Variants in THSD7B observed in about 807,000 individuals in gnomAD.
The protein encoded by THSD7B is thrombospondin type-1 domain-containing protein 7B.
A neutral mutation model predicts 213.6 loss-of-function variants in THSD7B; 138 were observed. The ratio of observed to expected loss-of-function variants is 0.65; its 90% CI spans 0.56 to 0.74. The LOEUF is 0.74. THSD7B is among the 30% of genes least tolerant of loss of function. The probability of loss-of-function intolerance (pLI) is 0.00; values close to 1 mark genes in which losing one functional copy is unlikely to be tolerated. For synonymous variants in THSD7B, 742 were observed against 687.0 expected (o/e 1.08, Z -1.25); for missense variants, 1,931 against 1,991.5 (o/e 0.97, Z 0.58).
At chr2:137,664,719 G>A (rs1011082807) in intron 26 of THSD7B, among the ~76,000 whole-genome samples, 2 of 152,100 alleles carry the variant, frequency 1.3e-5, no homozygotes, top group African/African-American at 4.8e-5. Context: ...GGTTTTAAAG[G>A]CAGATCTTTT....
intron 1 of THSD7B, among the ~76,000 whole-genome samples, chr2:136,801,042 C>T (rs575394788): frequency 9.7e-4 from 148 of 151,820 alleles, no homozygotes; most frequent in Non-Finnish European, 1.0e-3. Context: ...TCCCTCTTTA[C>T]CCACTGTGTG....
At position 137,616,302 on chromosome 2, in the gene THSD7B, A is replaced by T; in HGVS notation, c.3551A>T (p.Gln1184Leu). 1 of 1,613,684 alleles carries T rather than the reference A, an allele frequency of 6.2e-7. No homozygotes were observed. The change falls in exon 18 of 28, where the codon CAG (glutamine) becomes CTG (leucine). Residue 1184 changes from glutamine to leucine, a missense_variant. Coordinates refer to ENST00000409968, the MANE Select transcript of THSD7B (RefSeq NM_001316349.2). ...CTGAATGAAAATTGCTTCCAGTTCC[A>T]GTACAATCTAACAGGTACAGTTAAA... ...CLLNENCFQF[Q>L]YNLTEWSTCQ...
chr2:137,296,362 A>C (rs1240654494), intron 12 of THSD7B, among the ~76,000 whole-genome samples: 1 of 152,090 alleles, frequency 6.6e-6, no homozygotes, highest in Admixed American at 6.5e-5. Flanking sequence ...AGTTACAGTG[A>C]CTCAATTTGC....
intron 12 of THSD7B, among the ~76,000 whole-genome samples, chr2:137,357,337 A>C (rs1479582227): frequency 1.3e-5 from 2 of 152,168 alleles, no homozygotes; most frequent in Non-Finnish European, 2.9e-5. Flanking sequence ...TGGGGGTCTT[A>C]GGTTTATATC....
chr2:136,887,300 T>TGTGTGTG (rs113561158), intron 2 of THSD7B, among the ~76,000 whole-genome samples: 1 of 148,464 alleles, frequency 6.7e-6, no homozygotes, highest in Non-Finnish European at 1.5e-5. Context: ...TCCATATTTG[T>TGTGTGTG]TGTGTGTGTG....
intron 12 of THSD7B, among the ~76,000 whole-genome samples, chr2:137,316,820 T>C (rs1177411933): frequency 6.6e-6 from 1 of 151,752 alleles, no homozygotes; most frequent in Admixed American, 6.6e-5. Context: ...TATGGTAATT[T>C]TGATGGGGAG....
At chr2:137,431,121 A>G (rs563606469) in intron 14 of THSD7B, among the ~76,000 whole-genome samples, 1 of 152,328 alleles carries the variant, frequency 6.6e-6, no homozygotes, top group South Asian at 2.1e-4. Context: ...TGGTCAGGGA[A>G]CAGCTTGGTT....
At chr2:137,106,599 T>C (rs537657381) in intron 4 of THSD7B, among the ~76,000 whole-genome samples, 21 of 152,142 alleles carry the variant, frequency 1.4e-4, no homozygotes, top group African/African-American at 5.1e-4. Context: ...ATCATTAGAG[T>C]GAACAGGAAA....
intron 3 of THSD7B, among the ~76,000 whole-genome samples, chr2:137,063,988 A>G (rs758196714): frequency 2.0e-5 from 3 of 152,130 alleles, no homozygotes; most frequent in South Asian, 2.1e-4. Context: ...GAGTTCAGCT[A>G]TCTCTTTTAT....
intron 2 of THSD7B, among the ~76,000 whole-genome samples, chr2:136,917,883 G>T (rs1165350320): frequency 6.6e-6 from 1 of 152,170 alleles, no homozygotes; most frequent in African/African-American, 2.4e-5. Context: ...GTATCCAAAA[G>T]CTTAACATCC....
At chr2:137,343,159 GTTGTTT>G (rs558584111) in intron 12 of THSD7B, among the ~76,000 whole-genome samples, 28 of 147,234 alleles carry the variant, frequency 1.9e-4, no homozygotes, top group South Asian at 4.3e-4. Flanking sequence ...GTGTTTTTTT[GTTGTTT>G]TTGTTTTTGT....
chr2:137,248,239 T>C (rs898467246), intron 10 of THSD7B, among the ~76,000 whole-genome samples: 3 of 152,176 alleles, frequency 2.0e-5, no homozygotes, highest in Non-Finnish European at 4.4e-5. Flanking sequence ...GCTTGTATTA[T>C]GTTGAGTTCC....
At chr2:137,226,957 A>G (rs1681520209) in intron 7 of THSD7B, among the ~76,000 whole-genome samples, 1 of 152,178 alleles carries the variant, frequency 6.6e-6, no homozygotes, top group African/African-American at 2.4e-5. Flanking sequence ...CCTCCAAAAT[A>G]CTATGCTTAA....
intron 14 of THSD7B, among the ~76,000 whole-genome samples, chr2:137,448,649 A>G (rs973078331): frequency 6.6e-6 from 1 of 152,130 alleles, no homozygotes; most frequent in Non-Finnish European, 1.5e-5. Flanking sequence ...TACAAAAAAA[A>G]TTAGCCGGGA....
At position 137,072,718 on chromosome 2, in the gene THSD7B, C is replaced by G. The variant is rs144541213; in HGVS notation, c.950+15488C>G. ...GGAATGCTTCCAGTTTTTGCCCATT[C>G]AGTATGATATTGGCTGTGGGTTTCT... is the stretch of plus-strand genomic sequence containing the variant. On this transcript the variant is annotated intron_variant, in intron 3 of 27. Coordinates refer to ENST00000409968, the MANE Select transcript of THSD7B (RefSeq NM_001316349.2). Among the ~76,000 whole-genome samples the G allele has an allele frequency of 6.1e-3, 926 of 152,252 alleles. 5 individuals carry two copies. The highest frequency in any genetic ancestry group is 0.016 in the African/African-American group (670 of 41,530).
intron 12 of THSD7B, among the ~76,000 whole-genome samples, chr2:137,392,644 A>C (rs1686060106): frequency 6.6e-6 from 1 of 151,902 alleles, no homozygotes; most frequent in South Asian, 2.1e-4. Flanking sequence ...CTTTAGAGAG[A>C]AAGTTAGTTT....
At chr2:137,671,284 G>A (rs1462966727) in intron 27 of THSD7B, among the ~76,000 whole-genome samples, 1 of 148,206 alleles carries the variant, frequency 6.7e-6, no homozygotes, top group Non-Finnish European at 1.5e-5. Context: ...AACAAATGTA[G>A]CCCCTCATTA....
At chr2:137,334,794 A>G (rs1234505213) in intron 12 of THSD7B, among the ~76,000 whole-genome samples, 4 of 152,204 alleles carry the variant, frequency 2.6e-5, no homozygotes, top group African/African-American at 9.6e-5. Flanking sequence ...CCCGAATCTC[A>G]CCTTGGATTG....
chr2:137,508,450 C>A (rs900466776), intron 15 of THSD7B, among the ~76,000 whole-genome samples: 1 of 148,350 alleles, frequency 6.7e-6, no homozygotes, highest in Non-Finnish European at 1.5e-5. Flanking sequence ...GATCTCTGCT[C>A]ACTGCAAGCT....
Sources: gnomAD v4.1 joint callset for allele counts (sites outside exome capture counted in the v4.1 genomes callset) on GRCh38, gnomAD v4.1.1 for gene constraint, MANE v1.5 for transcripts, NCBI Gene and HGNC (gene_info 2026-07-23, HGNC 2026-07-21) for gene names.